The following GALNT13 variants were observed in gnomAD, a reference collection of about 807,000 sequenced individuals.
GALNT13 encodes the protein polypeptide N-acetylgalactosaminyltransferase 13.
In GALNT13, 28 loss-of-function variants were observed where a neutral mutation model predicts 64.2. That is an observed-to-expected ratio of 0.44 (90% CI 0.32 to 0.60). GALNT13 has a LOEUF of 0.60. Ranked by LOEUF, GALNT13 falls within the 20% of genes least tolerant of loss-of-function variation. The pLI is 0.05. For missense variants in GALNT13, 577 were observed against 669.8 expected, an observed-to-expected ratio of 0.86 and a Z score of 1.53; for synonymous variants, 214 against 224.6, an observed-to-expected ratio of 0.95 and a Z score of 0.42.
intron 4 of GALNT13, among the ~76,000 whole-genome samples, chr2:154,241,172 A>C (rs1689465265): frequency 6.6e-6 from 1 of 151,838 alleles, no homozygotes; most frequent in Admixed American, 6.6e-5. Flanking sequence ...TGCCTTCTAG[A>C]GTCTGGGGGT....
At chr2:154,281,828 C>T (rs1189887579) in intron 8 of GALNT13, among the ~76,000 whole-genome samples, 4 of 151,900 alleles carry the variant, frequency 2.6e-5, no homozygotes, top group East Asian at 1.9e-4. Context: ...CCCACTCTGC[C>T]CCCACCAGCT....
intron 3 of GALNT13, among the ~76,000 whole-genome samples, chr2:154,069,698 G>T (rs537785294): frequency 1.3e-5 from 2 of 152,030 alleles, no homozygotes; most frequent in East Asian, 3.9e-4. Flanking sequence ...AATGACTATG[G>T]GATTTGCACA....
At chr2:153,245,707 C>T in the GALNT13 span, among the ~76,000 whole-genome samples, 1 of 152,088 alleles carries the variant, frequency 6.6e-6, no homozygotes, top group African/African-American at 2.4e-5. Context: ...AGTGCAAAAA[C>T]ACTGAAAATT....
chr2:154,009,247 C>T (rs1272194589), intron 3 of GALNT13, among the ~76,000 whole-genome samples: 1 of 149,722 alleles, frequency 6.7e-6, no homozygotes, highest in Non-Finnish European at 1.5e-5. Context: ...TATCCTGTTG[C>T]ATTGGTCTGT....
chr2:154,188,017 T>TCC (rs1686358377), intron 4 of GALNT13, among the ~76,000 whole-genome samples: 1 of 92,402 alleles, frequency 1.1e-5, no homozygotes, highest in African/African-American at 4.2e-5. Context: ...TCAGGCATTC[T>TCC]CTCTCTCTCT....
At chr2:153,219,070 A>C in the GALNT13 span, among the ~76,000 whole-genome samples, 1 of 152,240 alleles carries the variant, frequency 6.6e-6, no homozygotes, top group Non-Finnish European at 1.5e-5. Flanking sequence ...TTTCAATCAG[A>C]CTTCATCTAA....
At chr2:154,449,426 C>A (rs1295257154) in intron 12 of GALNT13, among the ~76,000 whole-genome samples, 7 of 105,846 alleles carry the variant, frequency 6.6e-5, no homozygotes, top group Non-Finnish European at 9.5e-5. Flanking sequence ...TATCATGAGC[C>A]AAAAAAAAAA....
chr2:153,926,750 C>G (rs570476372), intron 2 of GALNT13, among the ~76,000 whole-genome samples: 1 of 152,100 alleles, frequency 6.6e-6, no homozygotes, highest in Non-Finnish European at 1.5e-5. Context: ...GCCATGTACT[C>G]ACGTACACAT....
At chr2:154,322,605 T>C (rs758581670) in intron 9 of GALNT13, among the ~76,000 whole-genome samples, 1 of 152,164 alleles carries the variant, frequency 6.6e-6, no homozygotes, top group Non-Finnish European at 1.5e-5. Context: ...TATATTTGAC[T>C]TTTAGTCCTT....
chr2:154,431,347 G>A (rs962214298), intron 11 of GALNT13, among the ~76,000 whole-genome samples: 4 of 151,914 alleles, frequency 2.6e-5, no homozygotes, highest in Non-Finnish European at 4.4e-5. Flanking sequence ...TTGAGAAAAC[G>A]TTTGTTTGTA....
chr2:153,220,531 A>G, the GALNT13 span, among the ~76,000 whole-genome samples: 1 of 152,208 alleles, frequency 6.6e-6, no homozygotes, highest in Non-Finnish European at 1.5e-5. Context: ...GGCACTGTGC[A>G]TGTGGGTGGC....
At chr2:154,165,551 T>C (rs1434001799) in intron 4 of GALNT13, among the ~76,000 whole-genome samples, 3 of 152,212 alleles carry the variant, frequency 2.0e-5, no homozygotes, top group Non-Finnish European at 4.4e-5. Context: ...TTGAATTGTT[T>C]ATTAACATTT....
At chr2:154,122,230 A>G (rs928021691) in intron 3 of GALNT13, among the ~76,000 whole-genome samples, 1 of 151,928 alleles carries the variant, frequency 6.6e-6, no homozygotes, top group African/African-American at 2.4e-5. Flanking sequence ...TTTGTGATGG[A>G]TAGATTGAAA....
At chr2:153,360,299 C>A in the GALNT13 span, among the ~76,000 whole-genome samples, 1 of 152,190 alleles carries the variant, frequency 6.6e-6, no homozygotes, top group African/African-American at 2.4e-5. Context: ...CTGGAAGATC[C>A]CACTAGTGAG....
At chr2:153,197,951 C>T in the GALNT13 span, among the ~76,000 whole-genome samples, 12 of 152,274 alleles carry the variant, frequency 7.9e-5, no homozygotes, top group East Asian at 1.9e-3. Context: ...ACTTGGGCTC[C>T]CTTTGTCCTG....
chr2:153,529,211 C>G, the GALNT13 span, among the ~76,000 whole-genome samples: 5 of 151,628 alleles, frequency 3.3e-5, no homozygotes, highest in African/African-American at 1.2e-4. Context: ...CAAATAAAAT[C>G]AGAGATGAAA....
intron 11 of GALNT13, among the ~76,000 whole-genome samples, chr2:154,410,915 C>T (rs776138129): frequency 2.0e-5 from 3 of 151,882 alleles, no homozygotes; most frequent in South Asian, 2.1e-4. Flanking sequence ...TTCATCTGCA[C>T]GTTTTCAAAT....
At chr2:153,255,049 G>C in the GALNT13 span, among the ~76,000 whole-genome samples, 2 of 152,100 alleles carry the variant, frequency 1.3e-5, no homozygotes, top group African/African-American at 4.8e-5. Flanking sequence ...TCGTTGATCT[G>C]TCTAATGTTG....
chr2:153,874,076 C>G (rs1193435179), intron 1 of GALNT13, among the ~76,000 whole-genome samples: 1 of 149,336 alleles, frequency 6.7e-6, no homozygotes, highest in African/African-American at 2.5e-5. Flanking sequence ...TCTTTCTTTC[C>G]CCCCGCACCC....
Sources: gnomAD v4.1 joint callset for allele counts (sites outside exome capture counted in the v4.1 genomes callset) on GRCh38, gnomAD v4.1.1 for gene constraint, MANE v1.5 for transcripts, NCBI Gene and HGNC (gene_info 2026-07-23, HGNC 2026-07-21) for gene names.